The following RBBP5 variants were observed in gnomAD, a reference collection of about 807,000 sequenced individuals.
The protein encoded by RBBP5 is RB binding protein 5, histone lysine methyltransferase complex subunit.
In RBBP5, 5 loss-of-function variants were observed where a neutral mutation model predicts 72.2. The ratio of observed to expected loss-of-function variants is 0.07; its 90% CI spans 0.04 to 0.15. The LOEUF (loss-of-function observed/expected upper bound fraction) is 0.15, where lower values mean the gene tolerates loss of function less well. Ranked by LOEUF, RBBP5 falls within the 10% of genes least tolerant of loss-of-function variation. The pLI, the probability that RBBP5 is intolerant of heterozygous loss-of-function variation, is 1.00. For missense variants in RBBP5, 322 were observed against 652.2 expected (o/e 0.49, Z 5.51); for synonymous variants, 209 against 237.2 (o/e 0.88, Z 1.09).
chr1:205,114,984 G>A (rs1224870874), intron 2 of RBBP5, 23 bp from the exon 3 acceptor site: 1 of 1,563,522 alleles, frequency 6.4e-7, no homozygotes, highest in Admixed American at 1.8e-5. Flanking sequence ...ACAAATACAA[G>A]AATAGAGGCA....
intron 13 of RBBP5, among the ~76,000 whole-genome samples, chr1:205,093,894 GC>G (rs887326439): frequency 1.6e-4 from 25 of 152,150 alleles, no homozygotes; most frequent in Middle Eastern, 6.8e-3. Flanking sequence ...AGTCGGGGGA[GC>G]CTGAATACAA....
chr1:205,092,734 G>GT (rs1655399237), intron 13 of RBBP5, among the ~76,000 whole-genome samples: 1 of 151,536 alleles, frequency 6.6e-6, no homozygotes, highest in Non-Finnish European at 1.5e-5. Flanking sequence ...CCAGCTCAAG[G>GT]TTTTTTCTTG....
chr1:205,093,471 AAAAAAAAAATATATATATATATATAT>A (rs1655440538), intron 13 of RBBP5, among the ~76,000 whole-genome samples: 1 of 12,334 alleles, frequency 8.1e-5, no homozygotes, highest in Non-Finnish European at 1.7e-4. Flanking sequence ...AAAAAAAAAA[AAAAAAAAAATATATATATATATATAT>A]ATATATATAT....
In RBBP5 at chr1:205,088,272, G is replaced by C. The variant is rs1055018828; in HGVS notation, c.*515C>G. 1.3e-5 allele frequency: 2 copies of C among 152,820 alleles called. No individual in the cohort carries two copies. The highest frequency in any genetic ancestry group is 2.4e-5 in the African/African-American group (1 of 41,428). 9.5% of individuals were successfully genotyped at this position (152,820 alleles called of 1,614,324 possible). A position where few individuals can be genotyped will look rare whatever the true frequency, so the allele number is the denominator to read the frequency against. ...GCACTTTCTTTTCTGCCCATCCTTTGCACACAATATGGAAATATAGGAGGT... is the reference window on the plus strand; with the variant it reads ...GCACTTTCTTTTCTGCCCATCCTTTCCACACAATATGGAAATATAGGAGGT... On this transcript the variant is annotated 3_prime_UTR_variant, in exon 14 of 14. Transcript: ENST00000264515.
intron 12 of RBBP5, among the ~76,000 whole-genome samples, chr1:205,095,666 G>A (rs1430327660): frequency 6.6e-6 from 1 of 152,180 alleles, no homozygotes; most frequent in East Asian, 1.9e-4. Flanking sequence ...AGACTAGAAT[G>A]AGAATCCTGA....
chr1:205,110,649 G>T (rs777170527), intron 3 of RBBP5, among the ~76,000 whole-genome samples: 16 of 152,078 alleles, frequency 1.1e-4, no homozygotes, highest in Non-Finnish European at 2.2e-4. Flanking sequence ...CACATAAAAA[G>T]ATATAGATAT....
chr1:205,092,303 G>A (rs1376881121), intron 13 of RBBP5, among the ~76,000 whole-genome samples: 1 of 152,086 alleles, frequency 6.6e-6, no homozygotes, highest in Non-Finnish European at 1.5e-5. Context: ...AGGTTTTTGG[G>A]TTGTTTTTTA....
chr1:205,121,215 T>C (rs1656724942), intron 1 of RBBP5, among the ~76,000 whole-genome samples: 1 of 152,002 alleles, frequency 6.6e-6, no homozygotes, highest in African/African-American at 2.4e-5. Context: ...GGATAGGAGG[T>C]AAGGAGGCAA....
intron 2 of RBBP5, among the ~76,000 whole-genome samples, 199 bp downstream of exon 2, chr1:205,115,659 C>G (rs1049310198): frequency 6.6e-6 from 1 of 152,176 alleles, no homozygotes; most frequent in African/African-American, 2.4e-5. Flanking sequence ...ATTACAACAT[C>G]ATGGTAAGAT....
intron 3 of RBBP5, among the ~76,000 whole-genome samples, chr1:205,106,354 G>T (rs145878530): frequency 6.6e-6 from 1 of 152,290 alleles, no homozygotes; most frequent in East Asian, 1.9e-4. Context: ...CAGCACTTTG[G>T]GAGGCCAAGG....
intron 12 of RBBP5, among the ~76,000 whole-genome samples, chr1:205,095,362 C>T (rs1655569677): frequency 1.2e-5 from 1 of 81,874 alleles, no homozygotes; most frequent in African/African-American, 4.0e-5. Flanking sequence ...TTTCTTAAAA[C>T]ATTATGAGTT....
chr1:205,092,916 A>T (rs1655407441), intron 13 of RBBP5, among the ~76,000 whole-genome samples: 1 of 152,194 alleles, frequency 6.6e-6, no homozygotes, highest in Non-Finnish European at 1.5e-5. Context: ...AGGGATAGAC[A>T]CGTTTTAAGA....
intron 3 of RBBP5, among the ~76,000 whole-genome samples, chr1:205,106,460 G>A (rs1251530596): frequency 6.6e-6 from 1 of 152,150 alleles, no homozygotes; most frequent in African/African-American, 2.4e-5. Flanking sequence ...AGCCGGGCAT[G>A]GTGGTGTGCA....
At chr1:205,101,519 C>A in intron 6 of RBBP5, 81 bp downstream of exon 6, 1 of 999,880 alleles carries the variant, frequency 1.0e-6, no homozygotes. Context: ...GTATAATATA[C>A]ATGAAAACTG....
At chr1:205,113,691 T>TCA (rs61036585) in intron 3 of RBBP5, among the ~76,000 whole-genome samples, 1 of 150,788 alleles carries the variant, frequency 6.6e-6, no homozygotes, top group Non-Finnish European at 1.5e-5. Flanking sequence ...TGTGTATTTT[T>TCA]TTTTTTTTTT....
At position 205,103,945 on chromosome 1, in the gene RBBP5, A is replaced by G; in HGVS notation, c.434T>C (p.Leu145Pro). The G allele has an allele frequency of 6.2e-7, 1 of 1,614,212 alleles. No homozygotes were observed. The highest frequency in any genetic ancestry group is 8.5e-7 in the Non-Finnish European group (1 of 1,180,014). ...LTLSDSKHVV[L>P]PVDDDSDLNV... ...CAAATCGGAGTCATCGTCCACCGGC[A>G]GAACAACATGTTTGGAATCTGAAAG... Residue 145 changes from leucine to proline, a missense_variant, in exon 5 of 14, where the codon CTG (leucine) becomes CCG (proline). By Grantham distance (98) the Leu-to-Pro change is moderately conservative. Transcript: ENST00000264515.
At chr1:205,098,780 G>A (rs1655710431) in intron 10 of RBBP5, among the ~76,000 whole-genome samples, 1 of 150,422 alleles carries the variant, frequency 6.6e-6, no homozygotes, top group Admixed American at 6.7e-5. Flanking sequence ...AGGGGGCAGA[G>A]GTTGCAGTGA....
intron 3 of RBBP5, among the ~76,000 whole-genome samples, chr1:205,113,015 C>T (rs1024773057): frequency 3.3e-5 from 5 of 151,916 alleles, no homozygotes; most frequent in African/African-American, 4.8e-5. Flanking sequence ...GACCTAGCTA[C>T]GCGGGAGGAT....
chr1:205,104,764 A>C (rs904970863), intron 4 of RBBP5, among the ~76,000 whole-genome samples: 19 of 152,036 alleles, frequency 1.2e-4, no homozygotes, highest in African/African-American at 3.6e-4. Flanking sequence ...TCTTGAACCC[A>C]GGAGGCAGAG....
Sources: allele counts gnomAD v4.1 joint callset (sites outside exome capture counted in the v4.1 genomes callset), GRCh38; gene constraint gnomAD v4.1.1; transcripts MANE v1.5; gene names NCBI Gene and HGNC (gene_info 2026-07-23, HGNC 2026-07-21).